HIVEP2: variants seen among roughly 807,000 people sequenced by gnomAD.
HIVEP2 encodes transcription factor HIVEP2.
HIVEP2 carries 14 observed loss-of-function variants against 180.7 expected under a neutral mutation model. The observed-to-expected ratio is 0.08, with a 90% confidence interval of 0.05 to 0.12. The LOEUF is 0.12. Among genes scored for constraint, HIVEP2 ranks in the 10% least tolerant of loss-of-function variants. The probability of loss-of-function intolerance (pLI) is 1.00; values close to 1 mark genes in which losing one functional copy is unlikely to be tolerated. For synonymous variants in HIVEP2, 1,184 were observed against 1,136.4 expected (o/e 1.04, Z -0.84); for missense variants, 2,579 against 3,008.5 (o/e 0.86, Z 3.34).
chr6:142,755,050 T>C (rs1198527188), intron 9 of HIVEP2, among the ~76,000 whole-genome samples: 1 of 152,234 alleles, frequency 6.6e-6, no homozygotes, highest in Non-Finnish European at 1.5e-5. Flanking sequence ...TAGTCCAGGA[T>C]AGAGCCAAAG....
intron 9 of HIVEP2, among the ~76,000 whole-genome samples, chr6:142,759,417 C>T (rs1222626082): frequency 6.6e-6 from 1 of 152,080 alleles, no homozygotes; most frequent in East Asian, 1.9e-4. Flanking sequence ...CCTAAATGTC[C>T]CTGTGAGTGT....
chr6:142,889,747 T>C (rs907235105), intron 1 of HIVEP2, among the ~76,000 whole-genome samples: 1 of 152,202 alleles, frequency 6.6e-6, no homozygotes, highest in Admixed American at 6.5e-5. Context: ...TTTAGTGATT[T>C]CTGCTGTGCA....
At chr6:142,900,917 C>T (rs940591054) in intron 1 of HIVEP2, among the ~76,000 whole-genome samples, 1 of 152,132 alleles carries the variant, frequency 6.6e-6, no homozygotes, top group Admixed American at 6.5e-5. Context: ...ATAGGTTCTT[C>T]GTGTTGCCAT....
chr6:142,777,642 C>A (rs113743865), intron 3 of HIVEP2, among the ~76,000 whole-genome samples: 1 of 38,246 alleles, frequency 2.6e-5, no homozygotes, highest in African/African-American at 1.2e-4. Flanking sequence ...GAGCAAAACT[C>A]CATCTCAAAA....
rs1479401782 is a variant in HIVEP2, at chr6:142,774,424, C to A, written c.315G>T (p.Leu105Phe). Reference protein sequence around the residue: ...QHSLSFPQHSLPQGVMHSTKP... With the variant: ...QHSLSFPQHSFPQGVMHSTKP... ...TGGTGCTGTGCATGACCCCCTGTGG[C>A]AATGAGTGCTGAGGGAAAGAGAGTG... is the stretch of plus-strand genomic sequence containing the variant. The change falls in exon 5 of 10, where the codon TTG (leucine) becomes TTT (phenylalanine). Residue 105 changes from leucine (L) to phenylalanine (F), a missense_variant. Transcript: ENST00000367603. The surrounding 1 kb of genome is among the most constrained non-coding windows in gnomAD (Gnocchi z 5.1). 2 of 1,614,192 alleles carry A rather than the reference C, an allele frequency of 1.2e-6. No homozygotes were observed. The highest frequency in any genetic ancestry group is 3.3e-5 in the Admixed American group (2 of 60,024).
intron 1 of HIVEP2, among the ~76,000 whole-genome samples, chr6:142,896,179 T>C (rs924470702): frequency 1.3e-5 from 2 of 152,190 alleles, no homozygotes; most frequent in Non-Finnish European, 2.9e-5. Flanking sequence ...GCTAATATAG[T>C]CAATTGTGTC....
chr6:142,763,018 G>C (rs1775288994), intron 7 of HIVEP2, among the ~76,000 whole-genome samples: 1 of 152,190 alleles, frequency 6.6e-6, no homozygotes, highest in South Asian at 2.1e-4. Flanking sequence ...CAGAGTGCAA[G>C]TACGCTATGG....
intron 1 of HIVEP2, among the ~76,000 whole-genome samples, chr6:142,840,230 G>C (rs1775329260): frequency 6.6e-6 from 1 of 152,036 alleles, no homozygotes; most frequent in Admixed American, 6.6e-5. Flanking sequence ...CTATTTTGTA[G>C]GGTTTCAAAG....
chr6:142,852,889 A>T (rs1453355759), intron 1 of HIVEP2, among the ~76,000 whole-genome samples: 2 of 152,256 alleles, frequency 1.3e-5, no homozygotes, highest in Non-Finnish European at 2.9e-5. Flanking sequence ...AATGATAAAC[A>T]TTCCTATCTT....
chr6:142,818,711 G>GA (rs67953063), intron 2 of HIVEP2, among the ~76,000 whole-genome samples: 2,541 of 37,128 alleles, frequency 0.068, 69 homozygotes, highest in Middle Eastern at 0.092. Flanking sequence ...AAGAAAGAAA[G>GA]AAAGAAAGAA....
At chr6:142,907,344 G>A (rs1306162519) in intron 1 of HIVEP2, among the ~76,000 whole-genome samples, 2 of 151,816 alleles carry the variant, frequency 1.3e-5, no homozygotes, top group Non-Finnish European at 2.9e-5. Context: ...TGCTTTCCCC[G>A]GGTTGTCGCC....
In HIVEP2 at chr6:142,769,682, T is replaced by A; in HGVS notation, c.5057A>T (p.Asn1686Ile). 6.2e-7 allele frequency: 1 copy of A among 1,614,222 alleles called. No homozygotes were observed. Among genetic ancestry groups the A allele is most frequent in the Non-Finnish European group, 8.5e-7 (1 of 1,180,044 alleles). The change falls in exon 5 of 10, where the codon AAC becomes ATC. Residue 1686 changes from asparagine to isoleucine, a missense_variant. Asn to Ile is a moderately radical substitution (Grantham distance 149, BLOSUM62 -3). Coordinates refer to ENST00000367603, the MANE Select transcript of HIVEP2 (RefSeq NM_006734.4). ...CAGAAGAGCCAGCGTGGTCTTGGTGTTCAATCCTGATGGGTTTGGATTACA... is the reference window on the plus strand; with the variant it reads ...CAGAAGAGCCAGCGTGGTCTTGGTGATCAATCCTGATGGGTTTGGATTACA... ...SSCNPNPSGL[N>I]TKTTLALLRS...
intron 2 of HIVEP2, among the ~76,000 whole-genome samples, chr6:142,824,377 T>C (rs542904042): frequency 5.3e-5 from 8 of 152,342 alleles, no homozygotes; most frequent in Admixed American, 2.6e-4. Flanking sequence ...AAAATTATTC[T>C]AGTCAAATCC....
rs566103571 is a variant in HIVEP2 at position 142,853,855 on chromosome 6, G to C, written c.-640-16808C>G. Among the ~76,000 whole-genome samples the C allele has an allele frequency of 1.9e-3, 285 of 152,272 alleles. 1 individual carries two copies. The highest frequency in any genetic ancestry group is 3.0e-3 in the Non-Finnish European group (201 of 68,016). ...GCAGAAGAATGGAAAAGAAAAGAGGGCAGGGAAAATAAGTGAATCAGAAGC... is the reference window on the plus strand; with the variant it reads ...GCAGAAGAATGGAAAAGAAAAGAGGCCAGGGAAAATAAGTGAATCAGAAGC... On this transcript the variant is annotated intron_variant, in intron 1 of 9. Transcript: ENST00000367603.
chr6:142,912,341 C>T (rs1777431681), intron 1 of HIVEP2, among the ~76,000 whole-genome samples: 1 of 152,214 alleles, frequency 6.6e-6, no homozygotes, highest in Admixed American at 6.5e-5. Context: ...ATGCTAATAA[C>T]AGTGATCGAA....
chr6:142,893,463 T>C (rs1776910416), intron 1 of HIVEP2, among the ~76,000 whole-genome samples: 1 of 152,180 alleles, frequency 6.6e-6, no homozygotes, highest in Non-Finnish European at 1.5e-5. Flanking sequence ...GCAGGTACTG[T>C]ACAGATACTA....
At chr6:142,813,572 A>C (rs1185140228) in intron 2 of HIVEP2, among the ~76,000 whole-genome samples, 1 of 147,152 alleles carries the variant, frequency 6.8e-6, no homozygotes, top group South Asian at 2.2e-4. Context: ...ATCAGTTCAG[A>C]GTTTTTTTTT....
intron 1 of HIVEP2, among the ~76,000 whole-genome samples, chr6:142,886,785 A>G (rs1272302589): frequency 6.6e-6 from 1 of 152,158 alleles, no homozygotes; most frequent in Non-Finnish European, 1.5e-5. Flanking sequence ...ACACTGTTCT[A>G]ACTTTTGACA....
rs1776576580 is a variant in HIVEP2 at position 142,881,637 on chromosome 6, A to C, written c.-640-44590T>G. ...CTCTGAGGTCCTGCTTTCAGCTATCAGGATAGTTAGACCTCACAGATCTCC... is the reference window on the plus strand; with the variant it reads ...CTCTGAGGTCCTGCTTTCAGCTATCCGGATAGTTAGACCTCACAGATCTCC... On this transcript the variant is annotated intron_variant, in intron 1 of 9. Transcript: ENST00000367603. 1.3e-5 allele frequency among the ~76,000 whole-genome samples: 2 copies of C among 152,232 alleles called. 1 individual carries two copies. The highest frequency in any genetic ancestry group is 4.1e-4 in the South Asian group (2 of 4,832).
Sources: gnomAD v4.1 joint callset for allele counts (sites outside exome capture counted in the v4.1 genomes callset) on GRCh38, gnomAD v4.1.1 for gene constraint, Gnocchi (gnomAD v3.1) non-coding constraint, MANE v1.5 for transcripts, NCBI Gene and HGNC (gene_info 2026-07-23, HGNC 2026-07-21) for gene names.